The following SLC14A2 variants were observed in gnomAD, a reference collection of about 807,000 sequenced individuals.
SLC14A2 encodes the protein urea transporter 2.
SLC14A2 carries 91 observed loss-of-function variants against 104.6 expected under a neutral mutation model. That is an observed-to-expected ratio of 0.87 (90% CI 0.73 to 1.04). The LOEUF (loss-of-function observed/expected upper bound fraction) is 1.04, where lower values mean the gene tolerates loss of function less well. Ranked by LOEUF, SLC14A2 falls within the 50% of genes least tolerant of loss-of-function variation. The probability of loss-of-function intolerance (pLI) is 0.00; values close to 1 mark genes in which losing one functional copy is unlikely to be tolerated. For synonymous variants in SLC14A2, 476 were observed against 466.4 expected, an observed-to-expected ratio of 1.02 and a Z score of -0.27; for missense variants, 1,189 against 1,156.0, an observed-to-expected ratio of 1.03 and a Z score of -0.41.
At chr18:45,275,577 T>C (rs2084693643) in intron 1 of SLC14A2, among the ~76,000 whole-genome samples, 1 of 152,206 alleles carries the variant, frequency 6.6e-6, no homozygotes, top group South Asian at 2.1e-4. Flanking sequence ...AAGGTACCCA[T>C]ATGCCAGAGC....
At chr18:45,385,821 T>A (rs905224022) in intron 1 of SLC14A2, among the ~76,000 whole-genome samples, 4 of 152,174 alleles carry the variant, frequency 2.6e-5, no homozygotes, top group Non-Finnish European at 1.5e-5. Flanking sequence ...TGTTAGGGTA[T>A]TCCAGGGGTT....
At chr18:45,294,363 AT>A (rs1225344706) in intron 1 of SLC14A2, among the ~76,000 whole-genome samples, 1 of 152,184 alleles carries the variant, frequency 6.6e-6, no homozygotes, top group Non-Finnish European at 1.5e-5. Context: ...AACATCCTGT[AT>A]TTTATATATC....
intron 1 of SLC14A2, among the ~76,000 whole-genome samples, chr18:45,619,408 C>T (rs1016702034): frequency 3.9e-5 from 6 of 152,242 alleles, no homozygotes; most frequent in African/African-American, 1.4e-4. Context: ...GCAATGATCC[C>T]TCCAGGGTAG....
chr18:45,344,530 A>T (rs1220196173), intron 1 of SLC14A2, among the ~76,000 whole-genome samples: 1 of 152,232 alleles, frequency 6.6e-6, no homozygotes, highest in East Asian at 1.9e-4. Context: ...AAACAACCAG[A>T]TGAAGAGACA....
chr18:45,373,424 T>A (rs1457493764), intron 1 of SLC14A2, among the ~76,000 whole-genome samples: 4 of 152,184 alleles, frequency 2.6e-5, no homozygotes, highest in Non-Finnish European at 5.9e-5. Flanking sequence ...TTGCCCCAGA[T>A]ACCTTCTCAG....
chr18:45,236,847 C>T (rs1410223048), intron 1 of SLC14A2, among the ~76,000 whole-genome samples: 1 of 152,076 alleles, frequency 6.6e-6, no homozygotes. Context: ...TATGCTGAAA[C>T]ATCCCCTTTT....
intron 2 of SLC14A2, among the ~76,000 whole-genome samples, chr18:45,585,205 A>G (rs1047485375): frequency 2.0e-5 from 3 of 151,998 alleles, no homozygotes; most frequent in African/African-American, 7.3e-5. Context: ...TTTGACCCTC[A>G]CATCTCATTC....
chr18:45,599,796 C>A (rs1385742443), intron 2 of SLC14A2, among the ~76,000 whole-genome samples: 2 of 152,308 alleles, frequency 1.3e-5, no homozygotes, highest in Admixed American at 6.5e-5. Flanking sequence ...GGAAGTCTCA[C>A]AATCATGGCA....
chr18:45,642,988 C>G (rs2144560047), intron 8 of SLC14A2, 144 bp from the exon 9 acceptor site: 1 of 685,216 alleles, frequency 1.5e-6, no homozygotes. Context: ...AGCATGCCAG[C>G]TGTCAGGGCA....
intron 2 of SLC14A2, among the ~76,000 whole-genome samples, chr18:45,590,888 A>C (rs1206590962): frequency 6.6e-6 from 1 of 152,266 alleles, no homozygotes; most frequent in African/African-American, 2.4e-5. Context: ...TAATGATATT[A>C]TCCCCATCTT....
chr18:45,495,070 G>C (rs1462394738), intron 2 of SLC14A2, among the ~76,000 whole-genome samples: 1 of 152,066 alleles, frequency 6.6e-6, no homozygotes, highest in African/African-American at 2.4e-5. Flanking sequence ...TTGGATCCTA[G>C]ATTCCCCTAA....
intron 1 of SLC14A2, among the ~76,000 whole-genome samples, chr18:45,276,380 T>C (rs935153961): frequency 1.3e-5 from 2 of 152,190 alleles, no homozygotes; most frequent in Admixed American, 1.3e-4. Context: ...TAGAAGAGGC[T>C]TTGAAATCTA....
chr18:45,499,203 C>A (rs756094294), intron 2 of SLC14A2, among the ~76,000 whole-genome samples: 1 of 152,224 alleles, frequency 6.6e-6, no homozygotes, highest in East Asian at 1.9e-4. Flanking sequence ...ATGTTAGAGT[C>A]TCCCCAAAAT....
At chr18:45,558,877 G>C (rs901886804) in intron 2 of SLC14A2, among the ~76,000 whole-genome samples, 1 of 152,034 alleles carries the variant, frequency 6.6e-6, no homozygotes, top group African/African-American at 2.4e-5. Context: ...TGCAATCTCC[G>C]CCTCCTGGGT....
chr18:45,186,052 A>G, the SLC14A2 span, among the ~76,000 whole-genome samples: 1 of 152,220 alleles, frequency 6.6e-6, no homozygotes, highest in East Asian at 1.9e-4. Flanking sequence ...TTATTTTCAT[A>G]TTAGTCTCTA....
chr18:45,682,873 T>A lies in SLC14A2; in HGVS notation c.*354T>A. On this transcript the variant is annotated 3_prime_UTR_variant, in exon 20 of 20. Coordinates refer to ENST00000255226, the MANE Select transcript of SLC14A2 (RefSeq NM_007163.4). ...ACTTTGGGAGGCCGAGGCGGGTGGATCACGAGGTCAGGAGATCGAGACCAT... is the reference window on the plus strand; with the variant it reads ...ACTTTGGGAGGCCGAGGCGGGTGGAACACGAGGTCAGGAGATCGAGACCAT... 1 of 248,430 alleles carries A rather than the reference T, an allele frequency of 4.0e-6. No homozygotes were observed. The highest frequency in any genetic ancestry group is 8.1e-6 in the Non-Finnish European group (1 of 123,642). The allele number at this position is 248,430 out of a possible 1,614,324, so 15.4% of individuals were successfully genotyped here. A position where few individuals can be genotyped will look rare whatever the true frequency, so the allele number is the denominator to read the frequency against.
the SLC14A2 span, among the ~76,000 whole-genome samples, chr18:45,195,059 C>T: frequency 7.2e-5 from 11 of 152,176 alleles, no homozygotes; most frequent in Admixed American, 3.9e-4. Flanking sequence ...AGGCAAACGT[C>T]TCAGTTTTTC....
Position 45,649,706 on chromosome 18 carries a change from C to T in SLC14A2, c.1351+5546C>T, listed in dbSNP as rs1466216199. On this transcript the variant is annotated intron_variant, in intron 10 of 19. Transcript: ENST00000255226. ...CAGAGTTTCTTGCCCTGGCAGACGGCGACATTTTGGAGGCGAGGGGCTCCT... is the reference window on the plus strand; with the variant it reads ...CAGAGTTTCTTGCCCTGGCAGACGGTGACATTTTGGAGGCGAGGGGCTCCT... 3.9e-5 allele frequency among the ~76,000 whole-genome samples: 6 copies of T among 152,218 alleles called. No homozygotes were observed. In the East Asian group the frequency reaches 7.7e-4, roughly 20 times the overall value.
intron 1 of SLC14A2, among the ~76,000 whole-genome samples, chr18:45,220,759 A>T (rs1385947241): frequency 1.3e-5 from 2 of 152,240 alleles, no homozygotes; most frequent in African/African-American, 4.8e-5. Context: ...CTGCCATAAC[A>T]AAGTACCATA....
Sources: gnomAD v4.1 joint callset for allele counts (sites outside exome capture counted in the v4.1 genomes callset) on GRCh38, gnomAD v4.1.1 for gene constraint, MANE v1.5 for transcripts, NCBI Gene and HGNC (gene_info 2026-07-23, HGNC 2026-07-21) for gene names.